COLEC10: variants seen among roughly 807,000 people sequenced by gnomAD.
COLEC10 encodes the protein collectin-10.
In COLEC10, 22 loss-of-function variants were observed where a neutral mutation model predicts 28.4. That is an observed-to-expected ratio of 0.78 (90% CI 0.55 to 1.11). The LOEUF (loss-of-function observed/expected upper bound fraction) is 1.11. Among genes scored for constraint, COLEC10 ranks in the 50% least tolerant of loss-of-function variants. The probability of loss-of-function intolerance (pLI) is 0.00; values close to 1 mark genes in which losing one functional copy is unlikely to be tolerated. For missense variants in COLEC10, 361 were observed against 344.1 expected, an observed-to-expected ratio of 1.05 and a Z score of -0.39; for synonymous variants, 125 against 116.1, an observed-to-expected ratio of 1.08 and a Z score of -0.49.
upstream of COLEC10, among the ~76,000 whole-genome samples, chr8:119,062,334 C>T (rs1303574967): frequency 6.6e-6 from 1 of 151,854 alleles, no homozygotes; most frequent in African/African-American, 2.4e-5. Context: ...TTAAGAAGCA[C>T]TAAAATAATT....
upstream of COLEC10, among the ~76,000 whole-genome samples, chr8:118,993,539 G>A (rs548732627): frequency 1.3e-5 from 2 of 152,168 alleles, no homozygotes; most frequent in African/African-American, 2.4e-5. Flanking sequence ...ATTTTTAGTA[G>A]AGATGGAGTT....
chr8:119,009,065 T>G (rs1178335358), intron 1 of COLEC10, among the ~76,000 whole-genome samples: 1 of 151,140 alleles, frequency 6.6e-6, no homozygotes, highest in African/African-American at 2.5e-5. Flanking sequence ...TACTGATACA[T>G]GCTTCAGCTA....
chr8:119,071,044 A>G (rs1815113494), intron 1 of COLEC10, among the ~76,000 whole-genome samples: 1 of 152,298 alleles, frequency 6.6e-6, no homozygotes, highest in Admixed American at 6.5e-5. Context: ...ATTTCATGAC[A>G]TCCACTAGTT....
At chr8:119,094,723 C>T (rs1033505041) in intron 3 of COLEC10, among the ~76,000 whole-genome samples, 3 of 152,150 alleles carry the variant, frequency 2.0e-5, no homozygotes, top group African/African-American at 7.2e-5. Flanking sequence ...AGGAATGGCC[C>T]AGGAAATGCC....
upstream of COLEC10, chr8:119,063,359 A>G (rs1489702929): frequency 6.6e-6 from 1 of 152,250 alleles, no homozygotes; most frequent in Non-Finnish European, 1.5e-5. Context: ...TCAAGGCCAC[A>G]AGTACAAAAT....
At chr8:118,996,865 A>G (rs1042201792) in intron 1 of COLEC10, among the ~76,000 whole-genome samples, 1 of 152,176 alleles carries the variant, frequency 6.6e-6, no homozygotes. Flanking sequence ...GAGCAGAGCA[A>G]GAGAAAGAGT....
At chr8:119,075,836 A>C (rs1485011916) in intron 1 of COLEC10, among the ~76,000 whole-genome samples, 1 of 151,430 alleles carries the variant, frequency 6.6e-6, no homozygotes, top group Admixed American at 6.6e-5. Flanking sequence ...GATGAGAGAA[A>C]CTGAGCTCTG....
intron 1 of COLEC10, among the ~76,000 whole-genome samples, chr8:119,085,891 T>A (rs188530804): frequency 6.6e-6 from 1 of 152,206 alleles, no homozygotes; most frequent in East Asian, 1.9e-4. Context: ...GTGCTGAGAT[T>A]ACAGGCGTCA....
At chr8:119,017,924 G>A (rs1814023458) in intron 2 of COLEC10, among the ~76,000 whole-genome samples, 1 of 152,124 alleles carries the variant, frequency 6.6e-6, no homozygotes, top group Non-Finnish European at 1.5e-5. Context: ...TTGAGGGAGG[G>A]CAAAACTTGG....
At chr8:119,027,737 C>T (rs944943423) in intron 2 of COLEC10, among the ~76,000 whole-genome samples, 3 of 152,136 alleles carry the variant, frequency 2.0e-5, no homozygotes, top group Non-Finnish European at 2.9e-5. Context: ...TTTCTATGAA[C>T]CTTCCTCTGA....
intron 2 of COLEC10, among the ~76,000 whole-genome samples, chr8:119,014,181 G>T (rs1271153449): frequency 7.3e-5 from 11 of 150,372 alleles, no homozygotes; most frequent in Non-Finnish European, 1.6e-4. Flanking sequence ...CCTTTATGTA[G>T]AATTAAGTTT....
chr8:119,027,089 C>T lies in COLEC10; in HGVS notation n.235+17536C>T, dbSNP rs527786814. Among the ~76,000 whole-genome samples the T allele has an allele frequency of 3.9e-4, 60 of 152,220 alleles. 1 individual carries two copies. In the South Asian group the frequency reaches 0.012, roughly 30 times the overall value. On this transcript the variant is annotated intron_variant and non_coding_transcript_variant, in intron 2 of 6. Transcript: ENST00000521788. ...TCTTCCTGTGCTTCACTTTCCACTG[C>T]TATAAAACAGGAATAACAATAGTAT... is the stretch of plus-strand genomic sequence containing the variant.
chr8:119,056,363 G>T (rs191158554), intron 2 of COLEC10, among the ~76,000 whole-genome samples: 14 of 152,104 alleles, frequency 9.2e-5, no homozygotes, highest in East Asian at 1.9e-4. Context: ...GATGAAAGTG[G>T]ATTTTACCCC....
the COLEC10 span, among the ~76,000 whole-genome samples, chr8:118,987,991 A>G: frequency 2.0e-5 from 3 of 152,174 alleles, no homozygotes; most frequent in Non-Finnish European, 1.5e-5. Context: ...TGGTTCTACC[A>G]GAGAACCAGG....
the COLEC10 span, among the ~76,000 whole-genome samples, chr8:118,981,905 A>G: frequency 2.0e-5 from 3 of 151,996 alleles, no homozygotes; most frequent in Admixed American, 2.0e-4. Context: ...AGGTCCTCCT[A>G]GTGTGATGAA....
At chr8:119,005,697 T>C (rs1813782111) in intron 1 of COLEC10, among the ~76,000 whole-genome samples, 3 of 152,086 alleles carry the variant, frequency 2.0e-5, no homozygotes, top group Admixed American at 2.0e-4. Context: ...CAGACCTCTG[T>C]GATGGGATTT....
intron 2 of COLEC10, among the ~76,000 whole-genome samples, chr8:119,045,860 C>T (rs983063430): frequency 2.6e-5 from 4 of 152,050 alleles, no homozygotes; most frequent in Admixed American, 1.3e-4. Context: ...GTTTAGTGAA[C>T]GTGGGGAATT....
rs559970196 is a variant in COLEC10, at chr8:119,031,459, C to T, written n.235+21906C>T. On this transcript the variant is annotated intron_variant and non_coding_transcript_variant, in intron 2 of 6. Coordinates refer to the COLEC10 transcript ENST00000521788. ...AGGGTGGTGTTGGACACAGAGGAAGCCACCTGGCAGGTGGTAGAACCTGGG... is the reference window on the plus strand; with the variant it reads ...AGGGTGGTGTTGGACACAGAGGAAGTCACCTGGCAGGTGGTAGAACCTGGG... Among the ~76,000 whole-genome samples, 12 of 152,264 alleles carry T rather than the reference C, an allele frequency of 7.9e-5. No individual in the cohort carries two copies. The East Asian group carries it at 2.3e-3, about 29-fold the overall frequency.
chr8:119,093,723 A>G (rs779544938), intron 3 of COLEC10, among the ~76,000 whole-genome samples: 6 of 152,170 alleles, frequency 3.9e-5, no homozygotes, highest in Admixed American at 6.5e-5. Context: ...GCCTTTCCCC[A>G]TGAATTTTTA....
Sources: allele counts gnomAD v4.1 joint callset (sites outside exome capture counted in the v4.1 genomes callset), GRCh38; gene constraint gnomAD v4.1.1; transcripts MANE v1.5; gene names NCBI Gene and HGNC (gene_info 2026-07-23, HGNC 2026-07-21).